NLGN1: variants seen among roughly 807,000 people sequenced by gnomAD.
NLGN1 encodes neuroligin-1.
NLGN1 carries 12 observed loss-of-function variants against 65.5 expected under a neutral mutation model. The observed-to-expected ratio is 0.18, with a 90% CI of 0.12 to 0.30. NLGN1 has a LOEUF of 0.30. NLGN1 is among the 10% of genes least tolerant of loss of function. The pLI, the probability that NLGN1 is intolerant of heterozygous loss-of-function variation, is 1.00. For missense variants in NLGN1, 750 were observed against 1,007.1 expected, an observed-to-expected ratio of 0.74 and a Z score of 3.46; for synonymous variants, 350 against 359.5, an observed-to-expected ratio of 0.97 and a Z score of 0.30.
intron 4 of NLGN1, among the ~76,000 whole-genome samples, chr3:174,080,668 C>T (rs1379549936): frequency 6.6e-6 from 1 of 151,940 alleles, no homozygotes; most frequent in Non-Finnish European, 1.5e-5. Flanking sequence ...AGGTTAGACT[C>T]CACCATTTTG....
chr3:173,729,571 C>G (rs1384506078), intron 3 of NLGN1, among the ~76,000 whole-genome samples: 1 of 152,038 alleles, frequency 6.6e-6, no homozygotes, highest in African/African-American at 2.4e-5. Flanking sequence ...GTAAGCTTTT[C>G]TAATGATTCT....
chr3:174,213,693 T>C (rs1737102638), intron 4 of NLGN1, among the ~76,000 whole-genome samples: 1 of 152,212 alleles, frequency 6.6e-6, no homozygotes, highest in African/African-American at 2.4e-5. Context: ...TGAAAAGAAC[T>C]GCATTCATTC....
intron 3 of NLGN1, among the ~76,000 whole-genome samples, chr3:173,782,323 A>C (rs1487784013): frequency 1.3e-5 from 2 of 152,206 alleles, no homozygotes; most frequent in Non-Finnish European, 2.9e-5. Context: ...CAGCAAATTA[A>C]TTGAATGCAT....
chr3:173,487,790 T>G (rs1318732615), intron 2 of NLGN1, among the ~76,000 whole-genome samples: 3 of 152,074 alleles, frequency 2.0e-5, no homozygotes, highest in Non-Finnish European at 4.4e-5. Flanking sequence ...AGTATTTGCC[T>G]AATTTCTCTT....
At chr3:174,114,768 G>T in intron 4 of NLGN1, among the ~76,000 whole-genome samples, 1 of 152,030 alleles carries the variant, frequency 6.6e-6, no homozygotes. Context: ...CCCAGAAAAT[G>T]CATCTTTCTT....
chr3:173,655,270 A>G (rs1759824577), intron 3 of NLGN1, among the ~76,000 whole-genome samples: 1 of 152,156 alleles, frequency 6.6e-6, no homozygotes, highest in Non-Finnish European at 1.5e-5. Context: ...TTATTCACTT[A>G]TATAAAGCAC....
At chr3:173,543,641 C>G (rs11707613) in intron 2 of NLGN1, among the ~76,000 whole-genome samples, 89,289 of 151,906 alleles carry the variant, frequency 0.59, 26,662 homozygotes, top group East Asian at 0.85. Flanking sequence ...ATTCTTGTAA[C>G]AGTAACCAAA....
intron 3 of NLGN1, among the ~76,000 whole-genome samples, chr3:173,658,658 C>T (rs1760451061): frequency 6.6e-6 from 1 of 151,944 alleles, no homozygotes; most frequent in Admixed American, 6.6e-5. Flanking sequence ...TGCTTTGGTT[C>T]ATTCAAAGCT....
At chr3:173,967,924 T>G (rs1432714399) in intron 4 of NLGN1, among the ~76,000 whole-genome samples, 1 of 152,168 alleles carries the variant, frequency 6.6e-6, no homozygotes, top group African/African-American at 2.4e-5. Flanking sequence ...TTAGAACATA[T>G]TCAAGTTTAA....
intron 4 of NLGN1, among the ~76,000 whole-genome samples, chr3:174,026,056 T>G (rs1487585451): frequency 1.3e-5 from 2 of 152,216 alleles, no homozygotes; most frequent in Admixed American, 6.5e-5. Flanking sequence ...TGAATGTATT[T>G]GATACTAATA....
intron 3 of NLGN1, among the ~76,000 whole-genome samples, chr3:173,702,618 T>C (rs190327511): frequency 3.7e-4 from 57 of 152,342 alleles, no homozygotes; most frequent in African/African-American, 1.3e-3. Flanking sequence ...GTTACTCTTA[T>C]TCTGCAAAGA....
chr3:174,185,609 A>G (rs772480962), intron 4 of NLGN1, among the ~76,000 whole-genome samples: 1 of 152,070 alleles, frequency 6.6e-6, no homozygotes, highest in Non-Finnish European at 1.5e-5. Flanking sequence ...AGTTTTGTTG[A>G]ATAAATGGCC....
chr3:173,609,110 C>G (rs1344327337), intron 3 of NLGN1, among the ~76,000 whole-genome samples: 1 of 151,898 alleles, frequency 6.6e-6, no homozygotes, highest in Non-Finnish European at 1.5e-5. Flanking sequence ...AGACAGTAAA[C>G]ATGAGAAGGA....
At chr3:173,575,216 T>A (rs902089912) in intron 2 of NLGN1, among the ~76,000 whole-genome samples, 1 of 151,030 alleles carries the variant, frequency 6.6e-6, no homozygotes, top group Non-Finnish European at 1.5e-5. Context: ...AATAAAAAAA[T>A]AAAAAAAAAT....
chr3:174,227,996 A>G (rs756293640), intron 4 of NLGN1, among the ~76,000 whole-genome samples: 13 of 152,036 alleles, frequency 8.6e-5, no homozygotes, highest in Non-Finnish European at 1.5e-4. Flanking sequence ...ATAGTTGTAC[A>G]TATTCTTAGG....
At chr3:173,542,959 A>G (rs1214053436) in intron 2 of NLGN1, among the ~76,000 whole-genome samples, 1 of 152,038 alleles carries the variant, frequency 6.6e-6, no homozygotes, top group Non-Finnish European at 1.5e-5. Context: ...CTACCCCATC[A>G]TGTCCAGGTT....
intron 3 of NLGN1, among the ~76,000 whole-genome samples, chr3:173,782,432 A>G (rs1400303120): frequency 6.6e-6 from 1 of 152,202 alleles, no homozygotes; most frequent in Non-Finnish European, 1.5e-5. Flanking sequence ...ATAAACAAGC[A>G]TGTGCATGTA....
At chr3:173,681,431 G>A (rs1157977685) in intron 3 of NLGN1, among the ~76,000 whole-genome samples, 1 of 152,140 alleles carries the variant, frequency 6.6e-6, no homozygotes, top group Non-Finnish European at 1.5e-5. Context: ...TGTGGCTCAA[G>A]CTGTTATCAG....
intron 3 of NLGN1, among the ~76,000 whole-genome samples, chr3:173,610,727 T>G (rs1195924524): frequency 6.6e-6 from 1 of 151,964 alleles, no homozygotes; most frequent in Non-Finnish European, 1.5e-5. Flanking sequence ...TGATCAACTG[T>G]GCCAAATTAA....
Sources: gnomAD v4.1 joint callset for allele counts (sites outside exome capture counted in the v4.1 genomes callset) on GRCh38, gnomAD v4.1.1 for gene constraint, MANE v1.5 for transcripts, NCBI Gene and HGNC (gene_info 2026-07-23, HGNC 2026-07-21) for gene names.